Variants in MRTFA observed in about 807,000 individuals in gnomAD.
MRTFA encodes the protein myocardin-related transcription factor A.
MRTFA carries 20 observed loss-of-function variants against 83.5 expected under a neutral mutation model. The ratio of observed to expected loss-of-function variants is 0.24; its 90% CI spans 0.17 to 0.35. The LOEUF (loss-of-function observed/expected upper bound fraction) is 0.35. Ranked by LOEUF, MRTFA falls within the 10% of genes least tolerant of loss-of-function variation. The pLI, the probability that MRTFA is intolerant of heterozygous loss-of-function variation, is 1.00. For missense variants in MRTFA, 1,200 were observed against 1,224.7 expected (o/e 0.98, Z 0.30); for synonymous variants, 659 against 541.2 (o/e 1.22, Z -3.02).
At chr22:40,623,202 A>C (rs2056543584) in intron 1 of MRTFA, among the ~76,000 whole-genome samples, 1 of 152,244 alleles carries the variant, frequency 6.6e-6, no homozygotes, top group African/African-American at 2.4e-5. Flanking sequence ...GTTCTCTTTC[A>C]TTGTTATTCC....
chr22:40,571,814 C>T (rs2055798035), intron 2 of MRTFA, among the ~76,000 whole-genome samples: 1 of 148,958 alleles, frequency 6.7e-6, no homozygotes, highest in Non-Finnish European at 1.5e-5. Flanking sequence ...GTCCCAGCTA[C>T]TCAGGAGGCT....
Position 40,459,812 on chromosome 22 carries a change from C to T in MRTFA, c.307+3409G>A, listed in dbSNP as rs1346634808. The stretch of plus-strand genomic sequence containing the variant: ...ACACACACACACACACACACACACA[C>T]ACACACACACATATATACATATATA... On this transcript the variant is annotated intron_variant, in intron 4 of 14. Coordinates refer to ENST00000355630, the MANE Select transcript of MRTFA (RefSeq NM_020831.6). 1.1e-4 allele frequency among the ~76,000 whole-genome samples: 12 copies of T among 112,272 alleles called. No individual in the cohort carries two copies. The South Asian group carries it at 2.0e-3, about 19-fold the overall frequency. The allele number at this position is 112,272 out of a possible 152,430, so 73.7% of individuals were successfully genotyped here.
intron 1 of MRTFA, among the ~76,000 whole-genome samples, chr22:40,633,909 A>G (rs1429407968): frequency 1.3e-5 from 2 of 152,162 alleles, no homozygotes; most frequent in Admixed American, 6.5e-5. Flanking sequence ...TTTAAGTCAG[A>G]GATTCAAGTC....
At chr22:40,461,204 CAAAAAAAAAA>C (rs55733153) in intron 4 of MRTFA, among the ~76,000 whole-genome samples, 10 of 50,296 alleles carry the variant, frequency 2.0e-4, no homozygotes, top group African/African-American at 8.5e-4. Context: ...GAACTTGTCT[CAAAAAAAAAA>C]AAAAAAAAAA....
chr22:40,464,852 A>C (rs2053787176), intron 3 of MRTFA, among the ~76,000 whole-genome samples: 1 of 152,020 alleles, frequency 6.6e-6, no homozygotes, highest in Admixed American at 6.6e-5. Flanking sequence ...CTTTCCCAGT[A>C]TTTTTTAAAT....
At chr22:40,527,672 T>C (rs2055000672) in intron 3 of MRTFA, among the ~76,000 whole-genome samples, 1 of 148,402 alleles carries the variant, frequency 6.7e-6, no homozygotes, top group African/African-American at 2.5e-5. Context: ...GGCAGGAGAA[T>C]GGAGTGAACC....
intron 2 of MRTFA, chr22:40,587,795 G>A: frequency 2.9e-6 from 1 of 340,746 alleles, no homozygotes. Flanking sequence ...AACTCTGCCA[G>A]TACCCCAAGA....
chr22:40,578,520 G>A lies in MRTFA; in HGVS notation c.-22+16154C>T, dbSNP rs6001969. Among the ~76,000 whole-genome samples, 1,144 of 152,152 alleles carry A rather than the reference G, an allele frequency of 7.5e-3. 27 individuals are homozygous for A. Among genetic ancestry groups the A allele is most frequent in the Middle Eastern group, 0.075 (22 of 294 alleles). On this transcript the variant is annotated intron_variant, in intron 2 of 14. Coordinates refer to ENST00000355630, the MANE Select transcript of MRTFA (RefSeq NM_020831.6). Reference sequence around the variant, plus strand: ...AGTGGCTCAGACCTATAATCTCATCGACTCAGGAGGCCAAGGCAGAAGGAT... The same window carrying A: ...AGTGGCTCAGACCTATAATCTCATCAACTCAGGAGGCCAAGGCAGAAGGAT...
intron 3 of MRTFA, among the ~76,000 whole-genome samples, chr22:40,463,659 G>C (rs1462031746): frequency 2.6e-5 from 4 of 152,070 alleles, no homozygotes; most frequent in African/African-American, 9.7e-5. Flanking sequence ...AAGCTTTCCA[G>C]ATGCTCTACG....
intron 1 of MRTFA, among the ~76,000 whole-genome samples, chr22:40,635,877 C>T (rs1335475448): frequency 2.0e-5 from 3 of 152,198 alleles, no homozygotes; most frequent in Non-Finnish European, 4.4e-5. Context: ...TCAAAAGGTC[C>T]AGCCCTAGGC....
intron 1 of MRTFA, among the ~76,000 whole-genome samples, chr22:40,623,203 T>C (rs1183475549): frequency 1.3e-5 from 2 of 152,234 alleles, no homozygotes; most frequent in African/African-American, 4.8e-5. Flanking sequence ...TTCTCTTTCA[T>C]TGTTATTCCT....
intron 3 of MRTFA, among the ~76,000 whole-genome samples, chr22:40,499,557 G>T (rs2147218359): frequency 6.6e-6 from 1 of 152,050 alleles, no homozygotes; most frequent in South Asian, 2.1e-4. Flanking sequence ...CAAGCCAGAA[G>T]AAAACTTTTT....
Position 40,481,798 on chromosome 22 carries a change from C to A in MRTFA, c.242-18512G>T, listed in dbSNP as rs1025544636. ...GACTCTGACCAGGCGCGGTGGCTCA[C>A]GCCTGTAATCCCAGCACTTTGGGAG... On this transcript the variant is annotated intron_variant, in intron 3 of 14. Coordinates refer to ENST00000355630, the MANE Select transcript of MRTFA (RefSeq NM_020831.6). Among the ~76,000 whole-genome samples the A allele has an allele frequency of 2.6e-5, 4 of 152,046 alleles. No homozygotes were observed. The South Asian group carries it at 8.3e-4, about 32-fold the overall frequency.
At chr22:40,460,217 G>A (rs1193654357) in intron 4 of MRTFA, among the ~76,000 whole-genome samples, 2 of 152,018 alleles carry the variant, frequency 1.3e-5, no homozygotes, top group African/African-American at 4.8e-5. Context: ...GAGTCACCGC[G>A]CCTGGCCCAT....
intron 2 of MRTFA, among the ~76,000 whole-genome samples, chr22:40,589,265 A>T (rs1203012340): frequency 6.6e-6 from 1 of 152,190 alleles, no homozygotes; most frequent in East Asian, 1.9e-4. Context: ...ATACATGTAC[A>T]GCTTATAAAG....
chr22:40,534,423 T>C (rs1355724533), intron 3 of MRTFA, among the ~76,000 whole-genome samples: 1 of 152,228 alleles, frequency 6.6e-6, no homozygotes, highest in Non-Finnish European at 1.5e-5. Flanking sequence ...GGTCTGTGAA[T>C]AGACAGTATA....
intron 3 of MRTFA, among the ~76,000 whole-genome samples, chr22:40,466,625 A>G (rs2053816401): frequency 6.6e-6 from 1 of 152,230 alleles, no homozygotes; most frequent in African/African-American, 2.4e-5. Flanking sequence ...AAATTATTAA[A>G]TGTGACAAAT....
chr22:40,610,904 G>C (rs1448808840), intron 1 of MRTFA, among the ~76,000 whole-genome samples: 1 of 142,022 alleles, frequency 7.0e-6, no homozygotes, highest in South Asian at 2.3e-4. Context: ...ATTCATTTGT[G>C]TTCACCAAAG....
intron 3 of MRTFA, among the ~76,000 whole-genome samples, chr22:40,511,504 T>C (rs2054667674): frequency 6.6e-6 from 1 of 152,206 alleles, no homozygotes; most frequent in Non-Finnish European, 1.5e-5. Flanking sequence ...TGTGAATACC[T>C]TTCCTATTTG....
Sources: gnomAD v4.1 joint callset for allele counts (sites outside exome capture counted in the v4.1 genomes callset) on GRCh38, gnomAD v4.1.1 for gene constraint, MANE v1.5 for transcripts, NCBI Gene and HGNC (gene_info 2026-07-23, HGNC 2026-07-21) for gene names.